Variants in MAF observed in about 807,000 individuals in gnomAD.
The protein encoded by MAF is MAF bZIP transcription factor, also known as transcription factor Maf.
Under a neutral mutation model 22.0 loss-of-function variants are expected in MAF, and 10 were observed. The observed-to-expected ratio is 0.45, with a 90% CI of 0.28 to 0.77. The LOEUF (loss-of-function observed/expected upper bound fraction) is 0.77, where lower values mean the gene tolerates loss of function less well. MAF is among the 30% of genes least tolerant of loss of function. The pLI is 0.12. For missense variants in MAF, 544 were observed against 548.4 expected (o/e 0.99, Z 0.08); for synonymous variants, 337 against 255.8 (o/e 1.32, Z -3.03).
chr16:79,429,820 G>A, the MAF span, among the ~76,000 whole-genome samples: 2 of 152,168 alleles, frequency 1.3e-5, no homozygotes, highest in African/African-American at 4.8e-5. Context: ...TGGTGCTGTG[G>A]TGTACGCAAC....
the MAF span, chr16:79,205,305 T>C: frequency 0.79 from 119,878 of 152,166 alleles, 48,134 homozygotes; most frequent in Non-Finnish European, 0.85. Context: ...ACACTGTCCC[T>C]AGTGTCACCT....
chr16:79,444,828 C>A, the MAF span, among the ~76,000 whole-genome samples: 2 of 152,096 alleles, frequency 1.3e-5, no homozygotes, highest in African/African-American at 4.8e-5. Context: ...CATTGGAAAT[C>A]CCAGATTGAT....
At chr16:79,428,040 C>T in the MAF span, among the ~76,000 whole-genome samples, 79 of 143,186 alleles carry the variant, frequency 5.5e-4, no homozygotes, top group African/African-American at 1.9e-3. Context: ...TGCAGTGAGC[C>T]GAGATCGCGC....
the MAF span, chr16:79,211,894 G>T: frequency 1.9e-6 from 3 of 1,566,330 alleles, no homozygotes; most frequent in Non-Finnish European, 2.6e-6. Context: ...CTCCAACACA[G>T]ATCCGCAAGA....
the MAF span, among the ~76,000 whole-genome samples, chr16:79,313,213 G>A: frequency 6.6e-6 from 1 of 152,128 alleles, no homozygotes. Flanking sequence ...CTCAGTAAAT[G>A]AACGCTAACA....
At chr16:79,384,831 C>T in the MAF span, among the ~76,000 whole-genome samples, 3 of 152,176 alleles carry the variant, frequency 2.0e-5, no homozygotes, top group Non-Finnish European at 4.4e-5. Flanking sequence ...TCAGAAGTTA[C>T]ACGAATACTG....
the MAF span, among the ~76,000 whole-genome samples, chr16:79,306,419 G>A: frequency 6.6e-6 from 1 of 152,230 alleles, no homozygotes; most frequent in Non-Finnish European, 1.5e-5. Context: ...AAGGTTTAGT[G>A]TAGGTTTTTA....
the MAF span, among the ~76,000 whole-genome samples, chr16:79,577,415 C>A: frequency 6.6e-6 from 1 of 152,104 alleles, no homozygotes; most frequent in Non-Finnish European, 1.5e-5. Flanking sequence ...CAATTGATAC[C>A]TTAATTGCTT....
the MAF span, among the ~76,000 whole-genome samples, chr16:79,278,801 G>C: frequency 6.6e-6 from 1 of 152,158 alleles, no homozygotes; most frequent in Non-Finnish European, 1.5e-5. Flanking sequence ...CTGCCTTCCT[G>C]CCTGCTGGCC....
chr16:79,584,876 C>T (rs1912744730), downstream of MAF, among the ~76,000 whole-genome samples: 1 of 152,144 alleles, frequency 6.6e-6, no homozygotes, highest in South Asian at 2.1e-4. Context: ...AGTAAGTAAT[C>T]AGATACTATT....
the MAF span, among the ~76,000 whole-genome samples, chr16:79,306,726 T>C: frequency 6.6e-6 from 1 of 152,170 alleles, no homozygotes; most frequent in African/African-American, 2.4e-5. Flanking sequence ...CTTTCGTTCT[T>C]ATCTTGGGCT....
chr16:79,572,548 G>C, the MAF span, among the ~76,000 whole-genome samples: 2 of 152,188 alleles, frequency 1.3e-5, no homozygotes, highest in South Asian at 4.1e-4. Flanking sequence ...GGGGCTACCT[G>C]GACGGTTTCA....
the MAF span, among the ~76,000 whole-genome samples, chr16:79,551,683 T>A: frequency 1.3e-5 from 2 of 152,200 alleles, no homozygotes; most frequent in Admixed American, 6.5e-5. Context: ...TACATTTCAA[T>A]TTTTTTGAAG....
the MAF span, among the ~76,000 whole-genome samples, chr16:79,309,662 A>G: frequency 6.6e-6 from 1 of 152,208 alleles, no homozygotes; most frequent in Non-Finnish European, 1.5e-5. Context: ...CCCCATCCAC[A>G]GAGGGAACGG....
At chr16:79,281,546 CTTT>C in the MAF span, among the ~76,000 whole-genome samples, 2 of 115,528 alleles carry the variant, frequency 1.7e-5, no homozygotes, top group East Asian at 2.8e-4. Flanking sequence ...TCTTTGAAGA[CTTT>C]TTTTTTTTTT....
the MAF span, among the ~76,000 whole-genome samples, chr16:79,485,319 A>C: frequency 6.6e-6 from 1 of 152,242 alleles, no homozygotes; most frequent in African/African-American, 2.4e-5. Flanking sequence ...TAAGATACTC[A>C]AAGTCATACG....
the MAF span, among the ~76,000 whole-genome samples, chr16:79,332,989 G>A: frequency 6.6e-6 from 1 of 152,212 alleles, no homozygotes; most frequent in South Asian, 2.1e-4. Context: ...CCTGTCTCCG[G>A]GCCACTGGCA....
chr16:79,570,345 T>C, the MAF span, among the ~76,000 whole-genome samples: 1 of 150,758 alleles, frequency 6.6e-6, no homozygotes, highest in Non-Finnish European at 1.5e-5. Flanking sequence ...TTCTCCCCAG[T>C]CTTTCAGATT....
At chr16:79,429,372 G>T in the MAF span, among the ~76,000 whole-genome samples, 1 of 152,172 alleles carries the variant, frequency 6.6e-6, no homozygotes, top group Non-Finnish European at 1.5e-5. Context: ...CTGCTCTTTT[G>T]TGTGCCTCCT....
Sources: gnomAD v4.1 joint callset for allele counts (sites outside exome capture counted in the v4.1 genomes callset) on GRCh38, gnomAD v4.1.1 for gene constraint, MANE v1.5 for transcripts, NCBI Gene and HGNC (gene_info 2026-07-23, HGNC 2026-07-21) for gene names.